Variants in MEGF9 observed in about 807,000 individuals in gnomAD.
The protein encoded by MEGF9 is multiple epidermal growth factor-like domains protein 9.
MEGF9 carries 6 observed loss-of-function variants against 46.8 expected under a neutral mutation model. That is an observed-to-expected ratio of 0.13 (90% CI 0.07 to 0.25). The LOEUF is 0.25. Ranked by LOEUF, MEGF9 falls within the 10% of genes least tolerant of loss-of-function variation. The pLI, the probability that MEGF9 is intolerant of heterozygous loss-of-function variation, is 1.00. For synonymous variants in MEGF9, 302 were observed against 330.7 expected (o/e 0.91, Z 0.94); for missense variants, 683 against 792.4 (o/e 0.86, Z 1.66).
rs565376528 is a variant in MEGF9 at position 120,617,127 on chromosome 9, AG to A, written c.944-4589del. On this transcript the variant is annotated intron_variant, in intron 3 of 5. Coordinates refer to ENST00000373930, the MANE Select transcript of MEGF9 (RefSeq NM_001080497.3). The stretch of plus-strand genomic sequence containing the variant: ...ATTCTCATTGCTGAAAGATGGCCAA[AG>A]GGTGGATCAAAAGAAAAAGGAATGT... 7.9e-5 allele frequency among the ~76,000 whole-genome samples: 12 copies of A among 152,320 alleles called. No individual in the cohort carries two copies. In the East Asian group the frequency reaches 1.9e-3, roughly 24 times the overall value.
At chr9:120,636,207 G>A (rs2043573464) in intron 2 of MEGF9, among the ~76,000 whole-genome samples, 1 of 152,202 alleles carries the variant, frequency 6.6e-6, no homozygotes, top group East Asian at 1.9e-4. Flanking sequence ...CAAAGTGCTG[G>A]GATTACAGGC....
chr9:120,658,888 T>A (rs1394173545), intron 2 of MEGF9, among the ~76,000 whole-genome samples: 1 of 152,206 alleles, frequency 6.6e-6, no homozygotes, highest in African/African-American at 2.4e-5. Context: ...GTAAAACCAG[T>A]CTACTTACCA....
intron 1 of MEGF9, among the ~76,000 whole-genome samples, chr9:120,674,200 AAC>A (rs1314217201): frequency 1.3e-5 from 2 of 152,222 alleles, no homozygotes; most frequent in Admixed American, 6.5e-5. Context: ...AGAAAATAAA[AAC>A]ACAGCCATAG....
At chr9:120,614,706 T>C (rs1440213911) in intron 3 of MEGF9, among the ~76,000 whole-genome samples, 2 of 151,754 alleles carry the variant, frequency 1.3e-5, no homozygotes, top group Admixed American at 6.6e-5. Flanking sequence ...GTCTACCTAC[T>C]CTCCCCCTAT....
At chr9:120,613,359 G>A (rs1249635077) in intron 3 of MEGF9, among the ~76,000 whole-genome samples, 1 of 151,618 alleles carries the variant, frequency 6.6e-6, no homozygotes, top group Non-Finnish European at 1.5e-5. Flanking sequence ...TGGAGGGAGG[G>A]GGGTAAAACA....
At chr9:120,638,122 T>C (rs1041502109) in intron 2 of MEGF9, among the ~76,000 whole-genome samples, 12 of 152,002 alleles carry the variant, frequency 7.9e-5, no homozygotes, top group Non-Finnish European at 1.5e-4. Context: ...CCCCTCTGAG[T>C]TGCTAGGACT....
At chr9:120,693,161 T>A (rs571094935) in intron 1 of MEGF9, among the ~76,000 whole-genome samples, 1 of 151,864 alleles carries the variant, frequency 6.6e-6, no homozygotes, top group African/African-American at 2.4e-5. Context: ...TCTTTGTTAC[T>A]TAAATAAAAG....
At chr9:120,644,183 C>T (rs769168529) in intron 2 of MEGF9, among the ~76,000 whole-genome samples, 5 of 152,114 alleles carry the variant, frequency 3.3e-5, no homozygotes, top group Non-Finnish European at 5.9e-5. Context: ...GTCATGTCTC[C>T]GCAGCCTCTT....
intron 1 of MEGF9, among the ~76,000 whole-genome samples, chr9:120,684,988 C>T (rs2043815665): frequency 6.6e-6 from 1 of 152,194 alleles, no homozygotes; most frequent in Non-Finnish European, 1.5e-5. Context: ...GCGCCCACCA[C>T]CACGCCCAGC....
chr9:120,651,801 C>T (rs2043651036), intron 2 of MEGF9, among the ~76,000 whole-genome samples: 2 of 151,290 alleles, frequency 1.3e-5, no homozygotes, highest in African/African-American at 2.4e-5. Flanking sequence ...TACAGGCACC[C>T]GCCAGCATGC....
At chr9:120,682,439 A>G (rs997330358) in intron 1 of MEGF9, among the ~76,000 whole-genome samples, 17 of 152,330 alleles carry the variant, frequency 1.1e-4, no homozygotes, top group African/African-American at 4.1e-4. Context: ...CAAAGAGAAC[A>G]AAAGGAAAGG....
intron 1 of MEGF9, among the ~76,000 whole-genome samples, chr9:120,667,088 T>A (rs764428422): frequency 1.8e-4 from 27 of 152,098 alleles, no homozygotes; most frequent in South Asian, 6.2e-4. Context: ...TGCAAAAAAA[T>A]TTTTTTAAGC....
intron 2 of MEGF9, among the ~76,000 whole-genome samples, chr9:120,648,601 G>T (rs1417210880): frequency 6.6e-6 from 1 of 152,084 alleles, no homozygotes; most frequent in African/African-American, 2.4e-5. Flanking sequence ...GAGAATAGAG[G>T]TAATATCTTT....
At chr9:120,684,839 CT>C (rs1210619450) in intron 1 of MEGF9, among the ~76,000 whole-genome samples, 107 of 144,048 alleles carry the variant, frequency 7.4e-4, no homozygotes, top group Admixed American at 7.6e-4. Context: ...ATTTTTTTTT[CT>C]TTTTTTTTTT....
At chr9:120,630,476 T>A (rs944545512) in intron 2 of MEGF9, among the ~76,000 whole-genome samples, 1 of 152,242 alleles carries the variant, frequency 6.6e-6, no homozygotes, top group Non-Finnish European at 1.5e-5. Flanking sequence ...AACATGGGCA[T>A]GCAAATATCT....
chr9:120,697,116 T>G (rs2043881184), intron 1 of MEGF9, among the ~76,000 whole-genome samples: 1 of 152,228 alleles, frequency 6.6e-6, no homozygotes, highest in Admixed American at 6.5e-5. Context: ...AGGGTCTCGC[T>G]CTGTCGCCCA....
chr9:120,611,381 G>T (rs552274139), intron 4 of MEGF9, among the ~76,000 whole-genome samples: 1 of 152,158 alleles, frequency 6.6e-6, no homozygotes, highest in African/African-American at 2.4e-5. Context: ...CAATGAAATG[G>T]GGTATAACAC....
At chr9:120,663,520 C>T (rs892260475) in intron 1 of MEGF9, among the ~76,000 whole-genome samples, 2 of 152,084 alleles carry the variant, frequency 1.3e-5, no homozygotes, top group Non-Finnish European at 2.9e-5. Context: ...TTGATAGAAG[C>T]AATGAGAAGG....
At chr9:120,656,644 T>A (rs1231747852) in intron 2 of MEGF9, among the ~76,000 whole-genome samples, 1 of 150,940 alleles carries the variant, frequency 6.6e-6, no homozygotes, top group Non-Finnish European at 1.5e-5. Context: ...ATGGTTCCCA[T>A]AATTATTTGT....
Sources: gnomAD v4.1 joint callset for allele counts (sites outside exome capture counted in the v4.1 genomes callset) on GRCh38, gnomAD v4.1.1 for gene constraint, MANE v1.5 for transcripts, NCBI Gene and HGNC (gene_info 2026-07-23, HGNC 2026-07-21) for gene names.